Variants in MSI1 observed in about 807,000 individuals in gnomAD.
MSI1 encodes RNA-binding protein Musashi homolog 1.
In MSI1, 15 loss-of-function variants were observed where a neutral mutation model predicts 54.4. That is an observed-to-expected ratio of 0.28 (90% CI 0.18 to 0.42). The LOEUF (loss-of-function observed/expected upper bound fraction) is 0.42, where lower values mean the gene tolerates loss of function less well. MSI1 is among the 20% of genes least tolerant of loss of function. The pLI is 1.00. For missense variants in MSI1, 304 were observed against 506.0 expected (o/e 0.60, Z 3.83); for synonymous variants, 200 against 196.5 (o/e 1.02, Z -0.15).
At chr12:120,345,409 G>A (rs1417180888) in intron 14 of MSI1, among the ~76,000 whole-genome samples, 161 bp downstream of exon 14, 1 of 152,164 alleles carries the variant, frequency 6.6e-6, no homozygotes, top group East Asian at 1.9e-4. Context: ...GGAGTAGGGT[G>A]AGCAGCTTTT....
At chr12:120,360,786 A>T (rs1290579726) in intron 6 of MSI1, among the ~76,000 whole-genome samples, 1 of 150,598 alleles carries the variant, frequency 6.6e-6, no homozygotes, top group Non-Finnish European at 1.5e-5. Context: ...TAGGCATAAC[A>T]GTGTCTATCT....
chr12:120,352,373 T>G (rs1320302822), intron 10 of MSI1, among the ~76,000 whole-genome samples: 1 of 150,422 alleles, frequency 6.6e-6, no homozygotes, highest in Non-Finnish European at 1.5e-5. Context: ...CCTCTTCTTC[T>G]TGTGTGTGTG....
intron 11 of MSI1, among the ~76,000 whole-genome samples, chr12:120,349,906 A>G (rs1000434256): frequency 1.3e-5 from 2 of 152,250 alleles, no homozygotes; most frequent in South Asian, 4.1e-4. Context: ...ACCACACTGT[A>G]AAGAATGACT....
In MSI1 at chr12:120,345,594, G is replaced by A; in HGVS notation, c.1086C>T (p.His362=). ...CCTCCTGCCACCGTCCCCTGCTTCA[G>A]TGGTACCCATTGGTGAAGGCTGTGG... is the stretch of plus-strand genomic sequence containing the variant. The part of the protein sequence containing the change: ...LIATAFTNGY[H] Residue 362 remains histidine (H), a synonymous_variant, in exon 14 of 15, where the codon CAC becomes CAT. Coordinates refer to ENST00000257552, the MANE Select transcript of MSI1 (RefSeq NM_002442.4). The A allele has an allele frequency of 6.2e-7, 1 of 1,613,792 alleles. No individual in the cohort carries two copies. The highest frequency in any genetic ancestry group is 2.2e-5 in the East Asian group (1 of 44,860).
intron 11 of MSI1, 39 bp downstream of exon 11, chr12:120,351,305 C>T: frequency 6.3e-7 from 1 of 1,586,734 alleles, no homozygotes; most frequent in Non-Finnish European, 8.6e-7. Context: ...TGTTTCTCCC[C>T]ATGTGGCCTG....
intron 12 of MSI1, among the ~76,000 whole-genome samples, chr12:120,346,687 C>T (rs1874154472): frequency 6.6e-6 from 1 of 152,184 alleles, no homozygotes; most frequent in Non-Finnish European, 1.5e-5. Context: ...GCACTTTCCC[C>T]ACCCACTGGC....
Position 120,364,758 on chromosome 12 carries a change from A to G in MSI1, c.268-3T>C. On this transcript the variant is annotated splice_region_variant and splice_polypyrimidine_tract_variant and intron_variant, in intron 4 of 14. Coordinates refer to ENST00000257552, the MANE Select transcript of MSI1 (RefSeq NM_002442.4). ...GGGAAGGCCACCTTAGGGTCAATCT[A>G]CAAGAAAAGGGAGAGGTAGAAGGGG... 1 of 1,599,950 alleles carries G rather than the reference A, an allele frequency of 6.3e-7. No individual in the cohort carries two copies. Among genetic ancestry groups the G allele is most frequent in the Non-Finnish European group, 8.5e-7 (1 of 1,173,434 alleles).
intron 7 of MSI1, among the ~76,000 whole-genome samples, 188 bp from the exon 8 acceptor site, chr12:120,358,086 T>A (rs1317602326): frequency 6.6e-6 from 1 of 152,110 alleles, no homozygotes; most frequent in Non-Finnish European, 1.5e-5. Context: ...AGAATACAGA[T>A]GAGGAAAATA....
intron 8 of MSI1, among the ~76,000 whole-genome samples, chr12:120,357,409 T>C (rs1403793486): frequency 6.6e-6 from 1 of 152,212 alleles, no homozygotes; most frequent in East Asian, 1.9e-4. Context: ...TGCCTGCCTT[T>C]AGAACCTCAT....
In MSI1 at chr12:120,341,666, A is replaced by C. The variant is rs987944291; in HGVS notation, c.*1461T>G. 2.0e-5 allele frequency: 3 copies of C among 152,068 alleles called. No homozygotes were observed. The highest frequency in any genetic ancestry group is 3.4e-3 in the Middle Eastern group (1 of 292). The allele number at this position is 152,068 out of a possible 1,614,324, so 9.4% of individuals were successfully genotyped here. ...TTAGGAAACATTAAAAAAAAAAAAA[A>C]CCCAAAACACGAACAGCCGCGCATC... is the stretch of plus-strand genomic sequence containing the variant. On this transcript the variant is annotated 3_prime_UTR_variant, in exon 15 of 15. Coordinates refer to ENST00000257552, the MANE Select transcript of MSI1 (RefSeq NM_002442.4).
Position 120,358,780 on chromosome 12 carries a change from C to CT in MSI1, c.451+224dup, listed in dbSNP as rs557673548. Among the ~76,000 whole-genome samples the CT allele has an allele frequency of 7.9e-5, 6 of 76,130 alleles. No individual in the cohort carries two copies. The South Asian group carries it at 2.8e-3, about 35-fold the overall frequency. The allele number at this position is 76,130 out of a possible 152,430, so 49.9% of individuals were successfully genotyped here. A position where few individuals can be genotyped will look rare whatever the true frequency, so the allele number is the denominator to read the frequency against. ...TAGGAGACTCAGTGGGTTGCAGGGA[C>CT]TGGGGGGGTGGGTACTCCTCTGTTC... On this transcript the variant is annotated intron_variant, in intron 7 of 14. Coordinates refer to ENST00000257552, the MANE Select transcript of MSI1 (RefSeq NM_002442.4).
At chr12:120,363,245 C>G in intron 5 of MSI1, 110 bp from the exon 6 acceptor site, 1 of 881,524 alleles carries the variant, frequency 1.1e-6, no homozygotes, top group Non-Finnish European at 1.8e-6. Context: ...TCTCTGTGGC[C>G]CCAGCCTCTT....
chr12:120,342,627 A>G lies in MSI1; in HGVS notation c.*500T>C, dbSNP rs1873761713. The G allele has an allele frequency of 6.9e-6, 1 of 145,880 alleles. No individual in the cohort carries two copies. Among genetic ancestry groups the G allele is most frequent in the Admixed American group, 6.9e-5 (1 of 14,482 alleles). The allele number at this position is 145,880 out of a possible 1,614,324, so 9.0% of individuals were successfully genotyped here. On this transcript the variant is annotated 3_prime_UTR_variant, in exon 15 of 15. Transcript: ENST00000257552. ...TGGGGCTTCACATTCACAAACCTAG[A>G]AATAGTTTAAAAAAGGTTTCTTTAA...
intron 9 of MSI1, among the ~76,000 whole-genome samples, chr12:120,354,617 G>C (rs1223825453): frequency 6.6e-6 from 1 of 152,146 alleles, no homozygotes; most frequent in African/African-American, 2.4e-5. Context: ...TTTTAGTTGA[G>C]ACAGGGTTTC....
chr12:120,350,290 G>A (rs1207660613), intron 11 of MSI1, among the ~76,000 whole-genome samples: 1 of 152,156 alleles, frequency 6.6e-6, no homozygotes. Context: ...GCCTCTCAGA[G>A]TGCTGGGATT....
rs974880746 is a variant in MSI1 at position 120,343,076 on chromosome 12, G to C, written c.*51C>G. 1 of 152,306 alleles carries C rather than the reference G, an allele frequency of 6.6e-6. No homozygotes were observed. The highest frequency in any genetic ancestry group is 1.9e-4 in the East Asian group (1 of 5,200). The allele number at this position is 152,306 out of a possible 1,614,324, so 9.4% of individuals were successfully genotyped here. On this transcript the variant is annotated 3_prime_UTR_variant, in exon 15 of 15. Transcript: ENST00000257552. ...CTCCCGCCCCCTCGCTGGCTCACTC[G>C]TGGTCCTCAGTCAGCTGCAGGCTGG...
At chr12:120,353,915 T>C (rs1197116329) in intron 9 of MSI1, among the ~76,000 whole-genome samples, 1 of 152,238 alleles carries the variant, frequency 6.6e-6, no homozygotes, top group Non-Finnish European at 1.5e-5. Flanking sequence ...CAGCTACAAT[T>C]TCTATCATGT....
intron 10 of MSI1, 71 bp from the exon 11 acceptor site, chr12:120,351,471 A>C: frequency 7.1e-7 from 1 of 1,400,318 alleles, no homozygotes; most frequent in South Asian, 1.2e-5. Flanking sequence ...GGGAGGACAA[A>C]TGCACCCACA....
chr12:120,343,267 G>A (rs200804404), intron 14 of MSI1, among the ~76,000 whole-genome samples, 162 bp from the exon 15 acceptor site: 4 of 151,702 alleles, frequency 2.6e-5, no homozygotes, highest in East Asian at 1.9e-4. Context: ...CAGTGACAGC[G>A]ATCATAGTTC....
Sources: allele counts gnomAD v4.1 joint callset (sites outside exome capture counted in the v4.1 genomes callset), GRCh38; gene constraint gnomAD v4.1.1; transcripts MANE v1.5; gene names NCBI Gene and HGNC (gene_info 2026-07-23, HGNC 2026-07-21).